Variants in SGMS1 observed in about 807,000 individuals in gnomAD.
SGMS1 encodes the protein sphingomyelin synthase 1, also known as phosphatidylcholine:ceramide cholinephosphotransferase 1.
In SGMS1, 13 loss-of-function variants were observed where a neutral mutation model predicts 46.2. The observed-to-expected ratio is 0.28, with a 90% CI of 0.18 to 0.45. The LOEUF (loss-of-function observed/expected upper bound fraction) is 0.45. SGMS1 is among the 20% of genes least tolerant of loss of function. The probability of loss-of-function intolerance (pLI) is 1.00; values close to 1 mark genes in which losing one functional copy is unlikely to be tolerated. For synonymous variants in SGMS1, 203 were observed against 187.8 expected (o/e 1.08, Z -0.66); for missense variants, 324 against 519.9 (o/e 0.62, Z 3.66).
At chr10:50,423,412 TG>T (rs1425021922) in intron 6 of SGMS1, among the ~76,000 whole-genome samples, 3 of 152,200 alleles carry the variant, frequency 2.0e-5, no homozygotes, top group Non-Finnish European at 4.4e-5. Flanking sequence ...ACAGACTGGC[TG>T]GTCTATACTA....
chr10:50,374,617 C>T (rs1564893755), intron 6 of SGMS1, among the ~76,000 whole-genome samples: 1 of 152,106 alleles, frequency 6.6e-6, no homozygotes. Context: ...AACCAAACCT[C>T]TTTCTTACTA....
At chr10:50,452,027 TATC>T (rs1446746013) in intron 5 of SGMS1, among the ~76,000 whole-genome samples, 7 of 152,180 alleles carry the variant, frequency 4.6e-5, no homozygotes, top group Non-Finnish European at 1.5e-5. Flanking sequence ...CCATGGCAGA[TATC>T]ATGTAACAAA....
intron 3 of SGMS1, among the ~76,000 whole-genome samples, chr10:50,475,427 T>C (rs143792777): frequency 2.1e-4 from 32 of 152,362 alleles, no homozygotes; most frequent in African/African-American, 7.5e-4. Flanking sequence ...CTTTTAACTT[T>C]TCAAAAATTA....
At chr10:50,380,295 C>T (rs368439779) in intron 6 of SGMS1, among the ~76,000 whole-genome samples, 1 of 151,194 alleles carries the variant, frequency 6.6e-6, no homozygotes, top group African/African-American at 2.4e-5. Context: ...GCAGGAGAAT[C>T]GCTTGAGCCC....
chr10:50,624,044 G>A, upstream of SGMS1: 18 of 985,414 alleles, frequency 1.8e-5, no homozygotes, highest in Non-Finnish European at 2.2e-5. Context: ...GCGGCCGGGG[G>A]GGCGGGCCGG....
intron 1 of SGMS1, among the ~76,000 whole-genome samples, chr10:50,619,836 A>G (rs759882161): frequency 2.6e-5 from 4 of 152,204 alleles, no homozygotes; most frequent in Non-Finnish European, 2.9e-5. Context: ...CCCCAAAATC[A>G]AACCTGCTAC....
At chr10:50,532,515 T>C (rs978514166) in intron 2 of SGMS1, among the ~76,000 whole-genome samples, 3 of 152,200 alleles carry the variant, frequency 2.0e-5, no homozygotes, top group East Asian at 3.8e-4. Flanking sequence ...AAATATGCCA[T>C]AGGAACTTAA....
chr10:50,607,379 A>G (rs1838707656), intron 1 of SGMS1, among the ~76,000 whole-genome samples: 1 of 152,148 alleles, frequency 6.6e-6, no homozygotes. Context: ...CTTGCAGGGA[A>G]AGCAGTCAAT....
intron 3 of SGMS1, among the ~76,000 whole-genome samples, chr10:50,490,674 G>A (rs1344671361): frequency 6.6e-6 from 1 of 152,202 alleles, no homozygotes; most frequent in Non-Finnish European, 1.5e-5. Flanking sequence ...ACTTCATGGT[G>A]TGGGTTCGGA....
intron 8 of SGMS1, among the ~76,000 whole-genome samples, chr10:50,325,003 C>T (rs2842097): frequency 0.067 from 10,179 of 152,232 alleles, 856 homozygotes; most frequent in East Asian, 0.32. Flanking sequence ...ATCAGGATAT[C>T]GCATCAACTT....
chr10:50,462,273 A>G (rs1302967284), intron 4 of SGMS1, among the ~76,000 whole-genome samples: 2 of 152,158 alleles, frequency 1.3e-5, no homozygotes, highest in Non-Finnish European at 2.9e-5. Context: ...AAGAAAATTA[A>G]TAAAGCTTTG....
chr10:50,537,453 A>G (rs933312450), intron 2 of SGMS1, among the ~76,000 whole-genome samples: 4 of 138,596 alleles, frequency 2.9e-5, no homozygotes, highest in East Asian at 3.4e-4. Flanking sequence ...ATATATATAT[A>G]GATATATATA....
At chr10:50,371,022 A>C (rs1040612897) in intron 6 of SGMS1, among the ~76,000 whole-genome samples, 1 of 152,250 alleles carries the variant, frequency 6.6e-6, no homozygotes, top group Non-Finnish European at 1.5e-5. Flanking sequence ...AACCATTAAC[A>C]GAGCCAAATA....
intron 6 of SGMS1, among the ~76,000 whole-genome samples, chr10:50,429,116 C>G (rs1849366945): frequency 6.6e-6 from 1 of 152,052 alleles, no homozygotes; most frequent in African/African-American, 2.4e-5. Context: ...ATCATGAAGT[C>G]AAGAAATCAT....
intron 2 of SGMS1, among the ~76,000 whole-genome samples, chr10:50,583,820 T>C (rs1206914192): frequency 6.6e-6 from 1 of 152,182 alleles, no homozygotes; most frequent in Admixed American, 6.5e-5. Flanking sequence ...CTTTCCCCTC[T>C]CTAAAAATAA....
At chr10:50,322,929 G>A (rs1160560296) in intron 8 of SGMS1, among the ~76,000 whole-genome samples, 1 of 151,940 alleles carries the variant, frequency 6.6e-6, no homozygotes, top group Non-Finnish European at 1.5e-5. Flanking sequence ...AGTAACATGG[G>A]CTAATCAAGG....
intron 2 of SGMS1, among the ~76,000 whole-genome samples, chr10:50,583,369 C>T (rs555438950): frequency 9.9e-5 from 15 of 152,206 alleles, no homozygotes; most frequent in African/African-American, 3.6e-4. Context: ...TGGTAACTGC[C>T]CTGATTCACC....
At chr10:50,428,854 T>C (rs1849363440) in intron 6 of SGMS1, among the ~76,000 whole-genome samples, 1 of 152,172 alleles carries the variant, frequency 6.6e-6, no homozygotes, top group African/African-American at 2.4e-5. Context: ...TACATCCTAA[T>C]AAACCCATCA....
At chr10:50,367,495 C>T (rs1848364754) in intron 6 of SGMS1, among the ~76,000 whole-genome samples, 1 of 152,174 alleles carries the variant, frequency 6.6e-6, no homozygotes, top group African/African-American at 2.4e-5. Flanking sequence ...TGCGTGCCCA[C>T]CATGTTCTTT....
Sources: allele counts gnomAD v4.1 joint callset (sites outside exome capture counted in the v4.1 genomes callset), GRCh38; gene constraint gnomAD v4.1.1; transcripts MANE v1.5; gene names NCBI Gene and HGNC (gene_info 2026-07-23, HGNC 2026-07-21).